EPOR: variants seen among roughly 807,000 people sequenced by gnomAD.
EPOR encodes erythropoietin receptor.
EPOR carries 20 observed loss-of-function variants against 34.3 expected under a neutral mutation model. The ratio of observed to expected loss-of-function variants is 0.58; its 90% confidence interval spans 0.41 to 0.85. The LOEUF (loss-of-function observed/expected upper bound fraction) is 0.85, where lower values mean the gene tolerates loss of function less well. Among genes scored for constraint, EPOR ranks in the 40% least tolerant of loss-of-function variants. The pLI is 0.00. For missense variants in EPOR, 601 were observed against 672.7 expected (o/e 0.89, Z 1.18); for synonymous variants, 312 against 299.0 (o/e 1.04, Z -0.45).
chr19:11,377,362 GAA>G lies in EPOR; in HGVS notation c.*620_*621del. The G allele has an allele frequency of 2.2e-6, 1 of 454,076 alleles. No homozygotes were observed. The highest frequency in any genetic ancestry group is 4.4e-6 in the Non-Finnish European group (1 of 226,778). The allele number at this position is 454,076 out of a possible 1,614,324, so 28.1% of individuals were successfully genotyped here. ...GTTTCCAGCCAGTGAGGTGTGAGAAGAAGAGAGGAAGCCCATTTCCAGGCCAG... is the reference window on the plus strand; with the variant it reads ...GTTTCCAGCCAGTGAGGTGTGAGAAGGAGAGGAAGCCCATTTCCAGGCCAG... On this transcript the variant is annotated 3_prime_UTR_variant, in exon 8 of 8. Coordinates refer to ENST00000222139, the MANE Select transcript of EPOR (RefSeq NM_000121.4).
In EPOR at chr19:11,377,698, C is replaced by T. The variant is rs558924254; in HGVS notation, c.*286G>A. Reference sequence around the variant, plus strand: ...AGCTCAAGAACTTTAACTTCTATCCCTATGGCCTATGCCCAGGGGAAGATG... The same window carrying T: ...AGCTCAAGAACTTTAACTTCTATCCTTATGGCCTATGCCCAGGGGAAGATG... On this transcript the variant is annotated 3_prime_UTR_variant, in exon 8 of 8. Coordinates refer to ENST00000222139, the MANE Select transcript of EPOR (RefSeq NM_000121.4). 1.7e-6 allele frequency: 1 copy of T among 593,200 alleles called. No homozygotes were observed. The highest frequency in any genetic ancestry group is 1.8e-5 in the African/African-American group (1 of 54,876). The allele number at this position is 593,200 out of a possible 1,614,324, so 36.7% of individuals were successfully genotyped here.
At position 11,381,892 on chromosome 19, in the gene EPOR, C is replaced by G; in HGVS notation, c.427+38G>C. On this transcript the variant is annotated intron_variant, in intron 3 of 7. Coordinates refer to ENST00000222139, the MANE Select transcript of EPOR (RefSeq NM_000121.4). The surrounding 1 kb of genome is among the most constrained non-coding windows in gnomAD (Gnocchi z 5.3). ...GGTCAGGTGGGCGAGGACTGAGACC[C>G]TCTCCTCCGACCACTCCTCCATTCC... The G allele has an allele frequency of 6.2e-7, 1 of 1,614,224 alleles. No homozygotes were observed. The highest frequency in any genetic ancestry group is 8.5e-7 in the Non-Finnish European group (1 of 1,180,024).
chr19:11,381,887 A>C lies in EPOR; in HGVS notation c.428-38T>G, dbSNP rs1336877011. 6.2e-7 allele frequency: 1 copy of C among 1,614,186 alleles called. No individual in the cohort carries two copies. The highest frequency in any genetic ancestry group is 1.1e-5 in the South Asian group (1 of 91,092). ...GGGTTGGTCAGGTGGGCGAGGACTG[A>C]GACCCTCTCCTCCGACCACTCCTCC... On this transcript the variant is annotated intron_variant, in intron 3 of 7. Transcript: ENST00000222139. This position sits in a 1 kb window ranked among gnomAD's most constrained non-coding sequence, Gnocchi z 5.3.
At position 11,377,425 on chromosome 19, in the gene EPOR, C is replaced by CT. The variant is rs1225557925; in HGVS notation, c.*558dup. On this transcript the variant is annotated 3_prime_UTR_variant, in exon 8 of 8. Transcript: ENST00000222139. ...TGGCCCATTGAGGGTCATTGCTGCC[C>CT]TTTTTCTTCCCTTGCTGACTGGCAG... 2 of 453,936 alleles carry CT rather than the reference C, an allele frequency of 4.4e-6. No individual in the cohort carries two copies. The highest frequency in any genetic ancestry group is 8.8e-6 in the Non-Finnish European group (2 of 226,790). The allele number at this position is 453,936 out of a possible 1,614,324, so 28.1% of individuals were successfully genotyped here.
rs771039244 is a variant in EPOR, at chr19:11,378,202, G to T, written c.1309C>A (p.Arg437Ser). 3 of 1,614,002 alleles carry T rather than the reference G, an allele frequency of 1.9e-6. No homozygotes were observed. Among genetic ancestry groups the T allele is most frequent in the Non-Finnish European group, 2.5e-6 (3 of 1,180,032 alleles). Residue 437 changes from arginine to serine, a missense_variant, in exon 8 of 8, where the codon CGT (arginine) becomes AGT (serine). Arg to Ser is a moderately radical substitution (Grantham distance 110). Coordinates refer to ENST00000222139, the MANE Select transcript of EPOR (RefSeq NM_000121.4). This position sits in a 1 kb window ranked among gnomAD's most constrained non-coding sequence, Gnocchi z 5.3. ...TILDPSSQLL[R>S]PWTLCPELPP... is the part of the protein sequence containing the mutation. The stretch of plus-strand genomic sequence containing the variant: ...AGCTCAGGGCACAGTGTCCATGGAC[G>T]CAAGAGCTGGGAGCTGGGGTCCAGG...
At position 11,383,528 on chromosome 19, in the gene EPOR, GC is replaced by G. The variant is rs1192048515; in HGVS notation, c.116-297del. Reference sequence around the variant, plus strand: ...CCTCGAGCTCGGGACTGCCAGCCCCGCCCCAGCCTAGGACACGCGCGCGGCT... The same window carrying G: ...CCTCGAGCTCGGGACTGCCAGCCCCGCCCAGCCTAGGACACGCGCGCGGCT... On this transcript the variant is annotated intron_variant, in intron 1 of 7. Transcript: ENST00000222139. The surrounding 1 kb of genome is among the most constrained non-coding windows in gnomAD (Gnocchi z 4.9). 2.9e-6 allele frequency: 1 copy of G among 349,938 alleles called. No individual in the cohort carries two copies. Among genetic ancestry groups the G allele is most frequent in the Non-Finnish European group, 5.3e-6 (1 of 190,082 alleles). 21.7% of individuals were successfully genotyped at this position (349,938 alleles called of 1,614,324 possible).
In EPOR at chr19:11,378,093, G is replaced by A. The variant is rs1277913272; in HGVS notation, c.1418C>T (p.Ser473Phe). The change falls in exon 8 of 8, where the codon TCC becomes TTC. Residue 473 changes from serine to phenylalanine, a missense_variant. Coordinates refer to ENST00000222139, the MANE Select transcript of EPOR (RefSeq NM_000121.4). The surrounding 1 kb of genome is among the most constrained non-coding windows in gnomAD (Gnocchi z 5.3). Reference sequence around the variant, plus strand: ...GGATAAGCCCCCTTGGGCTCCCTGGGAGTCCCCTGAGCTGTAGTCAGTTGA... The same window carrying A: ...GGATAAGCCCCCTTGGGCTCCCTGGAAGTCCCCTGAGCTGTAGTCAGTTGA... The part of the protein sequence containing the change: ...GISTDYSSGD[S>F]QGAQGGLSDG... 6.2e-7 allele frequency: 1 copy of A among 1,614,136 alleles called. No homozygotes were observed. Among genetic ancestry groups the A allele is most frequent in the Non-Finnish European group, 8.5e-7 (1 of 1,180,016 alleles).
At position 11,383,317 on chromosome 19, in the gene EPOR, G is replaced by A. The variant is rs1289988185; in HGVS notation, c.116-85C>T. 1 of 1,368,576 alleles carries A rather than the reference G, an allele frequency of 7.3e-7. No homozygotes were observed. The highest frequency in any genetic ancestry group is 9.8e-7 in the Non-Finnish European group (1 of 1,025,340). The allele number at this position is 1,368,576 out of a possible 1,614,324, so 84.8% of individuals were successfully genotyped here. On this transcript the variant is annotated intron_variant, in intron 1 of 7. Transcript: ENST00000222139. The surrounding 1 kb of genome is among the most constrained non-coding windows in gnomAD (Gnocchi z 4.9). ...CCCCTCCTCTTCCCTCCCGCAGCCTGGGCGGACCCGATAAGAAAAAAGCCC... is the reference window on the plus strand; with the variant it reads ...CCCCTCCTCTTCCCTCCCGCAGCCTAGGCGGACCCGATAAGAAAAAAGCCC...
At chr19:11,382,477 C>A (rs1968376233) in intron 2 of EPOR, among the ~76,000 whole-genome samples, 1 of 151,882 alleles carries the variant, frequency 6.6e-6, no homozygotes, top group Admixed American at 6.6e-5. Flanking sequence ...GATTCTCCTG[C>A]CTCAGCCTCC....
rs2144693798 is a variant in EPOR at position 11,378,141 on chromosome 19, A to G, written c.1370T>C (p.Leu457Pro). 1 of 1,614,050 alleles carries G rather than the reference A, an allele frequency of 6.2e-7. No homozygotes were observed. Among genetic ancestry groups the G allele is most frequent in the Non-Finnish European group, 8.5e-7 (1 of 1,180,000 alleles). Residue 457 changes from leucine to proline, a missense_variant, in exon 8 of 8, where the codon CTT becomes CCT. By Grantham distance (98) the Leu-to-Pro change is moderately conservative. Transcript: ENST00000222139. The surrounding 1 kb of genome is among the most constrained non-coding windows in gnomAD (Gnocchi z 5.3). ...TGAGATGCCAGAGTCAGATACCACA[A>G]GGTACAGGTACTTTAGGTGGGGTGG... ...PTPPHLKYLY[L>P]VVSDSGISTD...
chr19:11,384,304 C>G lies in EPOR; in HGVS notation c.-97G>C. 3.6e-6 allele frequency: 3 copies of G among 823,696 alleles called. No homozygotes were observed. The highest frequency in any genetic ancestry group is 2.7e-5 in the East Asian group (1 of 37,698). 51.0% of individuals were successfully genotyped at this position (823,696 alleles called of 1,614,324 possible). On this transcript the variant is annotated 5_prime_UTR_variant, in exon 1 of 8. Coordinates refer to ENST00000222139, the MANE Select transcript of EPOR (RefSeq NM_000121.4). Reference sequence around the variant, plus strand: ...TGGGTCAGCAGCTGCCTCCGCCGGACGCAGCTGACCAGGCCCTTCCCGACC... The same window carrying G: ...TGGGTCAGCAGCTGCCTCCGCCGGAGGCAGCTGACCAGGCCCTTCCCGACC...
Position 11,384,108 on chromosome 19 carries a change from T to A in EPOR, c.100A>T (p.Lys34Ter), listed in dbSNP as rs1568330552. 2.6e-6 allele frequency: 4 copies of A among 1,549,436 alleles called. No individual in the cohort carries two copies. Among genetic ancestry groups the A allele is most frequent in the Non-Finnish European group, 2.6e-6 (3 of 1,145,436 alleles). The change falls in exon 1 of 8, where the codon AAG becomes TAG. Residue 34 changes from lysine to a stop codon, truncating the protein, a stop_gained. Transcript: ENST00000222139. LOFTEE classifies it high-confidence loss of function. ...WAPPPNLPDP[K>*]FESKAALLAA... Reference sequence around the variant, plus strand: ...TCATCCTTACCTTTGCTCTCGAACTTGGGGTCCGGGAGGTTAGGCGGGGGC... The same window carrying A: ...TCATCCTTACCTTTGCTCTCGAACTAGGGGTCCGGGAGGTTAGGCGGGGGC...
chr19:11,382,005 C>T lies in EPOR; in HGVS notation c.352G>A (p.Val118Met). 2 of 1,614,218 alleles carry T rather than the reference C, an allele frequency of 1.2e-6. No homozygotes were observed. Among genetic ancestry groups the T allele is most frequent in the Non-Finnish European group, 1.7e-6 (2 of 1,180,038 alleles). The change falls in exon 3 of 8, where the codon GTG becomes ATG. Residue 118 changes from valine to methionine, a missense_variant. Physicochemically the swap from Val to Met is conservative, Grantham distance 21 (BLOSUM62 1). Transcript: ENST00000222139. ...SLPTADTSSF[V>M]PLELRVTAAS... ...GCTGTGACGCGCAACTCTAGGGGCA[C>T]GAAGCTCGACGTGTCGGCTGTAGGC...
intron 6 of EPOR, among the ~76,000 whole-genome samples, chr19:11,379,871 T>A (rs1968333117): frequency 6.6e-6 from 1 of 152,156 alleles, no homozygotes; most frequent in African/African-American, 2.4e-5. Flanking sequence ...TTGGCTAGTT[T>A]TGTATTTTTA....
rs1352557337 is a variant in EPOR at position 11,377,476 on chromosome 19, G to C, written c.*508C>G. 2 of 454,126 alleles carry C rather than the reference G, an allele frequency of 4.4e-6. No individual in the cohort carries two copies. Among genetic ancestry groups the C allele is most frequent in the African/African-American group, 4.0e-5 (2 of 50,098 alleles). The allele number at this position is 454,126 out of a possible 1,614,324, so 28.1% of individuals were successfully genotyped here. ...TTTGTAGAACAGGGGATCCATCTAA[G>C]TACCCTAAGAGAAGGTAGAGCTACA... On this transcript the variant is annotated 3_prime_UTR_variant, in exon 8 of 8. Transcript: ENST00000222139.
rs1367010743 is a variant in EPOR at position 11,377,343 on chromosome 19, A to T, written c.*641T>A. 4.4e-6 allele frequency: 2 copies of T among 454,054 alleles called. No homozygotes were observed. Among genetic ancestry groups the T allele is most frequent in the Non-Finnish European group, 8.8e-6 (2 of 226,792 alleles). The allele number at this position is 454,054 out of a possible 1,614,324, so 28.1% of individuals were successfully genotyped here. A position where few individuals can be genotyped will look rare whatever the true frequency, so the allele number is the denominator to read the frequency against. On this transcript the variant is annotated 3_prime_UTR_variant, in exon 8 of 8. Coordinates refer to ENST00000222139, the MANE Select transcript of EPOR (RefSeq NM_000121.4). ...TGACTGGGGTCATGTGACTGTTTCC[A>T]GCCAGTGAGGTGTGAGAAGAAGAGA...
intron 6 of EPOR, among the ~76,000 whole-genome samples, chr19:11,379,077 G>T (rs1390288703): frequency 6.6e-6 from 1 of 152,054 alleles, no homozygotes; most frequent in Non-Finnish European, 1.5e-5. Flanking sequence ...TATAATCCCA[G>T]TACTTTGGGA....
Position 11,381,688 on chromosome 19 carries a change from T to A in EPOR, c.585+4A>T. The A allele has an allele frequency of 6.2e-7, 1 of 1,603,094 alleles. No homozygotes were observed. Among genetic ancestry groups the A allele is most frequent in the Non-Finnish European group, 8.5e-7 (1 of 1,175,472 alleles). ...GGGGGCTGGGCCGTAGGGGCTGGCC[T>A]CACCCTCTGTACGCTCCCTGCGCCG... On this transcript the variant is annotated splice_donor_region_variant and intron_variant, in intron 4 of 7. Coordinates refer to ENST00000222139, the MANE Select transcript of EPOR (RefSeq NM_000121.4). This position sits in a 1 kb window ranked among gnomAD's most constrained non-coding sequence, Gnocchi z 5.3.
chr19:11,380,905 A>G lies in EPOR; in HGVS notation c.806T>C (p.Leu269Pro), dbSNP rs1968345803. 6.4e-7 allele frequency: 1 copy of G among 1,551,688 alleles called. No individual in the cohort carries two copies. Among genetic ancestry groups the G allele is most frequent in the Non-Finnish European group, 8.7e-7 (1 of 1,146,962 alleles). The change falls in exon 6 of 8, where the codon CTC (leucine) becomes CCC (proline). Residue 269 changes from leucine (L) to proline (P), a missense_variant. Physicochemically the swap from Leu to Pro is moderately conservative, Grantham distance 98 (BLOSUM62 -3). Transcript: ENST00000222139. The stretch of plus-strand genomic sequence containing the variant: ...TCACCGGCGGTGGGAGAGCAGCGCG[A>G]GCACGGTCAGCAGCACCAGGATGAC... ...LVVILVLLTV[L>P]ALLSHRRALK...
Sources: gnomAD v4.1 joint callset for allele counts (sites outside exome capture counted in the v4.1 genomes callset) on GRCh38, gnomAD v4.1.1 for gene constraint, Gnocchi (gnomAD v3.1) non-coding constraint, MANE v1.5 for transcripts, NCBI Gene and HGNC (gene_info 2026-07-23, HGNC 2026-07-21) for gene names.